Variants in AIG1 observed in about 807,000 individuals in gnomAD.
AIG1 encodes the protein androgen-induced gene 1 protein.
In AIG1, 23 loss-of-function variants were observed where a neutral mutation model predicts 31.4. The ratio of observed to expected loss-of-function variants is 0.73; its 90% CI spans 0.53 to 1.04. The LOEUF (loss-of-function observed/expected upper bound fraction) is 1.04. AIG1 is among the 50% of genes least tolerant of loss of function. The pLI is 0.00. For synonymous variants in AIG1, 100 were observed against 110.5 expected, an observed-to-expected ratio of 0.90 and a Z score of 0.60; for missense variants, 274 against 295.0, an observed-to-expected ratio of 0.93 and a Z score of 0.52.
chr6:143,086,206 G>A (rs1356837656), intron 1 of AIG1, among the ~76,000 whole-genome samples: 5 of 152,158 alleles, frequency 3.3e-5, no homozygotes, highest in Non-Finnish European at 7.3e-5. Flanking sequence ...CTGTTTTCAG[G>A]CTACACCCTT....
intron 1 of AIG1, among the ~76,000 whole-genome samples, chr6:143,132,936 G>A (rs565544678): frequency 4.0e-5 from 6 of 150,442 alleles, no homozygotes; most frequent in Middle Eastern, 3.4e-3. Flanking sequence ...TATTTCTCTC[G>A]CTATTTTTAT....
chr6:143,261,595 G>A (rs9403472), intron 3 of AIG1, among the ~76,000 whole-genome samples: 1,570 of 152,248 alleles, frequency 0.01, 44 homozygotes, highest in East Asian at 0.065. Context: ...CTATTAAAAA[G>A]CATATATAAA....
chr6:143,294,861 C>A (rs1219672338), intron 4 of AIG1, among the ~76,000 whole-genome samples: 1 of 152,108 alleles, frequency 6.6e-6, no homozygotes, highest in East Asian at 1.9e-4. Flanking sequence ...TCTTTCAACT[C>A]CCCCCAAACC....
In AIG1 at chr6:143,316,994, G is replaced by A. The variant is rs115430859; in HGVS notation, c.516-16288G>A. Among the ~76,000 whole-genome samples, 1,378 of 151,868 alleles carry A rather than the reference G, an allele frequency of 9.1e-3. 15 individuals carry two copies. The highest frequency in any genetic ancestry group is 0.032 in the African/African-American group (1,328 of 41,444). On this transcript the variant is annotated intron_variant, in intron 4 of 5. Coordinates refer to ENST00000357847, the MANE Select transcript of AIG1 (RefSeq NM_016108.4). ...ATGCTGAACAGACCAGTAACAAGCA[G>A]TGAGACTGAAATGGTAATTTTTAAA...
intron 1 of AIG1, chr6:143,099,511 A>G (rs1191435775): frequency 2.0e-5 from 3 of 152,124 alleles, no homozygotes; most frequent in Non-Finnish European, 4.4e-5. Flanking sequence ...ATATCATGTT[A>G]TTTTCCCAGA....
chr6:143,217,870 G>A (rs935922307), intron 3 of AIG1, among the ~76,000 whole-genome samples: 4 of 152,174 alleles, frequency 2.6e-5, no homozygotes, highest in African/African-American at 9.7e-5. Flanking sequence ...CTGATCACGT[G>A]GTAGGATAAT....
chr6:143,241,625 T>A (rs1794248319), intron 3 of AIG1, among the ~76,000 whole-genome samples: 1 of 152,334 alleles, frequency 6.6e-6, no homozygotes, highest in African/African-American at 2.4e-5. Flanking sequence ...AAACATCAAC[T>A]CATTATAATA....
intron 1 of AIG1, among the ~76,000 whole-genome samples, chr6:143,061,786 G>C (rs893001345): frequency 5.9e-5 from 9 of 152,182 alleles, no homozygotes; most frequent in African/African-American, 2.2e-4. Flanking sequence ...ACAGGTGCAG[G>C]TTATTATTAG....
At chr6:143,076,673 A>AT (rs559735679) in intron 1 of AIG1, among the ~76,000 whole-genome samples, 6,814 of 136,710 alleles carry the variant, frequency 0.05, 399 homozygotes, top group East Asian at 0.15. Context: ...GGTTATTTGA[A>AT]TTTTTTTTTT....
chr6:143,101,052 T>G (rs1166070920), intron 1 of AIG1, among the ~76,000 whole-genome samples: 4 of 152,192 alleles, frequency 2.6e-5, no homozygotes, highest in Non-Finnish European at 5.9e-5. Context: ...ATGTCATCTT[T>G]TTATGCATGC....
chr6:143,267,160 C>A (rs1484593717), intron 3 of AIG1, among the ~76,000 whole-genome samples: 2 of 152,148 alleles, frequency 1.3e-5, no homozygotes, highest in African/African-American at 4.8e-5. Context: ...GTGCTTCCCC[C>A]AGACTGAGGT....
intron 4 of AIG1, among the ~76,000 whole-genome samples, chr6:143,315,690 A>G (rs555078672): frequency 6.6e-6 from 1 of 152,276 alleles, no homozygotes; most frequent in Admixed American, 6.5e-5. Flanking sequence ...TCATAGACTT[A>G]AATGTAGAAG....
chr6:143,265,145 C>T (rs1310952436), intron 3 of AIG1, among the ~76,000 whole-genome samples: 2 of 152,106 alleles, frequency 1.3e-5, no homozygotes, highest in Non-Finnish European at 2.9e-5. Flanking sequence ...TTCTCCTTTC[C>T]TCCTGCAAAG....
At position 143,108,866 on chromosome 6, in the gene AIG1, G is replaced by T. The variant is rs9390055; in HGVS notation, c.142-27969G>T. Among the ~76,000 whole-genome samples, 426 of 152,260 alleles carry T rather than the reference G, an allele frequency of 2.8e-3. 10 individuals are homozygous for T. The East Asian group carries it at 0.05, about 18-fold the overall frequency. ...TTTCAAAGCAAACCAGGTATACGGA[G>T]AAGTCTTATATGAACAGCTCAATGA... On this transcript the variant is annotated intron_variant, in intron 1 of 5. Coordinates refer to ENST00000357847, the MANE Select transcript of AIG1 (RefSeq NM_016108.4).
intron 2 of AIG1, among the ~76,000 whole-genome samples, chr6:143,145,015 A>T (rs1784588769): frequency 6.6e-6 from 1 of 152,144 alleles, no homozygotes; most frequent in African/African-American, 2.4e-5. Flanking sequence ...GGTATTGCTC[A>T]GTATTTTCAT....
chr6:143,196,558 A>G (rs1583480398), intron 3 of AIG1, among the ~76,000 whole-genome samples: 1 of 152,204 alleles, frequency 6.6e-6, no homozygotes, highest in Admixed American at 6.5e-5. Flanking sequence ...AAAAAGGGAA[A>G]TGTACTTTAT....
At chr6:143,296,561 G>A (rs1247895145) in intron 4 of AIG1, among the ~76,000 whole-genome samples, 1 of 152,086 alleles carries the variant, frequency 6.6e-6, no homozygotes, top group Non-Finnish European at 1.5e-5. Context: ...GTAACTGAGA[G>A]GAAACCAGTC....
chr6:143,084,668 C>T (rs1015667842), intron 1 of AIG1, among the ~76,000 whole-genome samples: 6 of 152,150 alleles, frequency 3.9e-5, no homozygotes, highest in South Asian at 2.1e-4. Context: ...TCAATAGAGT[C>T]GGGTGACAGG....
intron 1 of AIG1, among the ~76,000 whole-genome samples, chr6:143,133,709 A>G (rs1162469635): frequency 6.6e-6 from 1 of 152,086 alleles, no homozygotes; most frequent in Non-Finnish European, 1.5e-5. Flanking sequence ...TGTGAAGGCA[A>G]ACCTGGTCCA....
Sources: gnomAD v4.1 joint callset for allele counts (sites outside exome capture counted in the v4.1 genomes callset) on GRCh38, gnomAD v4.1.1 for gene constraint, MANE v1.5 for transcripts, NCBI Gene and HGNC (gene_info 2026-07-23, HGNC 2026-07-21) for gene names.